Variants in SCG5 observed in about 807,000 individuals in gnomAD.
SCG5 encodes neuroendocrine protein 7B2.
In SCG5, 18 loss-of-function variants were observed where a neutral mutation model predicts 25.7. That is an observed-to-expected ratio of 0.70 (90% CI 0.48 to 1.04). The LOEUF (loss-of-function observed/expected upper bound fraction) is 1.04, where lower values mean the gene tolerates loss of function less well. Ranked by LOEUF, SCG5 falls within the 50% of genes least tolerant of loss-of-function variation. The pLI is 0.00. For missense variants in SCG5, 206 were observed against 259.8 expected, an observed-to-expected ratio of 0.79 and a Z score of 1.42; for synonymous variants, 101 against 91.7, an observed-to-expected ratio of 1.10 and a Z score of -0.58.
chr15:32,688,993 G>C (rs1267715925), intron 4 of SCG5, among the ~76,000 whole-genome samples: 2 of 150,296 alleles, frequency 1.3e-5, no homozygotes, highest in African/African-American at 4.9e-5. Context: ...TAGTTACTCT[G>C]TGGGAAGAAG....
chr15:32,675,294 T>A (rs1475255548), intron 2 of SCG5, among the ~76,000 whole-genome samples: 4 of 152,202 alleles, frequency 2.6e-5, no homozygotes, highest in Non-Finnish European at 5.9e-5. Context: ...AATCAGATTT[T>A]GAAACCTCAC....
chr15:32,679,941 A>G (rs1468823908), intron 3 of SCG5, 26 bp downstream of exon 3: 3 of 1,569,376 alleles, frequency 1.9e-6, no homozygotes, highest in African/African-American at 1.4e-5. Context: ...TTGGGTTCCC[A>G]TGAAAAGTTG....
At chr15:32,648,814 C>G (rs1191800043) in intron 2 of SCG5, among the ~76,000 whole-genome samples, 1 of 151,766 alleles carries the variant, frequency 6.6e-6, no homozygotes, top group Non-Finnish European at 1.5e-5. Context: ...CTCTGTCCCC[C>G]AGGCTGGAGT....
At position 32,683,307 on chromosome 15, in the gene SCG5, C is replaced by T. The variant is rs541653693; in HGVS notation, c.377-1250C>T. 2.6e-5 allele frequency among the ~76,000 whole-genome samples: 4 copies of T among 152,252 alleles called. No homozygotes were observed. The South Asian group carries it at 8.3e-4, about 32-fold the overall frequency. On this transcript the variant is annotated intron_variant, in intron 3 of 5. Transcript: ENST00000300175. ...CATTATGTCTTTCAAATGAGACCCT[C>T]CTTCTTCCCCCTAACCCTGCACAAA...
intron 2 of SCG5, among the ~76,000 whole-genome samples, chr15:32,672,132 G>GT (rs1326561958): frequency 1.3e-5 from 2 of 152,234 alleles, no homozygotes; most frequent in African/African-American, 4.8e-5. Flanking sequence ...GCTGTTTGTG[G>GT]TAACATAAGT....
rs6494593 is a variant in SCG5 at position 32,691,995 on chromosome 15, A to G, written c.543+232A>G. On this transcript the variant is annotated intron_variant, in intron 5 of 5. Coordinates refer to ENST00000300175, the MANE Select transcript of SCG5 (RefSeq NM_001144757.3). ...TTTAGTGGAACGCGCAGTCTGTAGC[A>G]ATTCTAGCAACTCCATTCCGTTCAG... 0.97 allele frequency: 1,341,666 copies of G among 1,382,240 alleles called. 651,970 individuals carry two copies. The highest frequency in any genetic ancestry group is 0.99 in the East Asian group (36,252 of 36,550). The allele number at this position is 1,382,240 out of a possible 1,614,324, so 85.6% of individuals were successfully genotyped here.
chr15:32,685,779 T>C (rs571671001), intron 4 of SCG5, among the ~76,000 whole-genome samples: 1 of 152,300 alleles, frequency 6.6e-6, no homozygotes, highest in South Asian at 2.1e-4. Flanking sequence ...GGAGTGTTCC[T>C]TCACATGTAA....
intron 2 of SCG5, among the ~76,000 whole-genome samples, chr15:32,662,918 A>G (rs2054245193): frequency 6.6e-6 from 1 of 151,470 alleles, no homozygotes; most frequent in South Asian, 2.1e-4. Flanking sequence ...TGCCATTCAT[A>G]CATGTGGGAC....
At chr15:32,691,415 A>G (rs749971074) in intron 4 of SCG5, among the ~76,000 whole-genome samples, 1 of 152,198 alleles carries the variant, frequency 6.6e-6, no homozygotes, top group South Asian at 2.1e-4. Flanking sequence ...AAGTGAGGAG[A>G]TGGGTTTCCA....
rs557420119 is a variant in SCG5, at chr15:32,681,329, A to G, written c.376+1414A>G. 2.8e-4 allele frequency among the ~76,000 whole-genome samples: 43 copies of G among 152,298 alleles called. No individual in the cohort carries two copies. The South Asian group carries it at 8.7e-3, about 31-fold the overall frequency. On this transcript the variant is annotated intron_variant, in intron 3 of 5. Coordinates refer to ENST00000300175, the MANE Select transcript of SCG5 (RefSeq NM_001144757.3). ...TTAAGAAAACAGAAGCTTAGAGAGT[A>G]GCTTGCATAAGGTTATCCAGGTAAC...
chr15:32,653,591 G>A (rs1160238130), intron 2 of SCG5, among the ~76,000 whole-genome samples: 1 of 152,186 alleles, frequency 6.6e-6, no homozygotes, highest in Admixed American at 6.5e-5. Flanking sequence ...AAACGTGGGG[G>A]CTGGCAAGTT....
At chr15:32,673,526 C>CCGTGTGTGTGTG (rs2054476151) in intron 2 of SCG5, among the ~76,000 whole-genome samples, 1 of 27,856 alleles carries the variant, frequency 3.6e-5, no homozygotes, top group Non-Finnish European at 6.7e-5. Flanking sequence ...GATAAGATCC[C>CCGTGTGTGTGTG]CGTGTGTGTG....
At chr15:32,646,111 G>A (rs953575477) in intron 2 of SCG5, among the ~76,000 whole-genome samples, 15 of 152,178 alleles carry the variant, frequency 9.9e-5, no homozygotes, top group Non-Finnish European at 1.6e-4. Flanking sequence ...CACCACACCC[G>A]GCCTAACATA....
chr15:32,690,805 TG>T (rs1045848304), intron 4 of SCG5, among the ~76,000 whole-genome samples: 21 of 151,892 alleles, frequency 1.4e-4, no homozygotes, highest in East Asian at 7.7e-4. Flanking sequence ...TGGTTGTCTT[TG>T]TTTTTTTTTT....
At chr15:32,688,908 G>A (rs903054840) in intron 4 of SCG5, among the ~76,000 whole-genome samples, 8 of 147,964 alleles carry the variant, frequency 5.4e-5, no homozygotes, top group Admixed American at 1.4e-4. Context: ...GCAGCGAGCC[G>A]AGATAGTGCC....
At chr15:32,642,137 G>C (rs972965295) in intron 1 of SCG5, among the ~76,000 whole-genome samples, 2 of 152,074 alleles carry the variant, frequency 1.3e-5, no homozygotes, top group East Asian at 1.9e-4. Context: ...TTTATATCTA[G>C]TGGCTAGAAA....
chr15:32,675,732 C>T (rs1377060745), intron 2 of SCG5, among the ~76,000 whole-genome samples: 2 of 152,194 alleles, frequency 1.3e-5, no homozygotes, highest in East Asian at 1.9e-4. Flanking sequence ...GACACACTGC[C>T]GTATCCTGGT....
intron 4 of SCG5, among the ~76,000 whole-genome samples, chr15:32,690,587 G>A (rs923687391): frequency 6.6e-6 from 1 of 152,160 alleles, no homozygotes; most frequent in Admixed American, 6.5e-5. Flanking sequence ...CTTCACTCTG[G>A]CACCGCCTCC....
chr15:32,665,678 T>C (rs935401212), intron 2 of SCG5: 8 of 152,228 alleles, frequency 5.3e-5, no homozygotes, highest in African/African-American at 1.9e-4. Flanking sequence ...GCAGTTTCAC[T>C]GTCTTTGGGA....
Sources: allele counts gnomAD v4.1 joint callset (sites outside exome capture counted in the v4.1 genomes callset), GRCh38; gene constraint gnomAD v4.1.1; transcripts MANE v1.5; gene names NCBI Gene and HGNC (gene_info 2026-07-23, HGNC 2026-07-21).